BCAS2: variants seen among roughly 807,000 people sequenced by gnomAD.
BCAS2 encodes the protein pre-mRNA-splicing factor SPF27.
A neutral mutation model predicts 35.3 loss-of-function variants in BCAS2; 34 were observed. That is an observed-to-expected ratio of 0.96 (90% CI 0.73 to 1.28). The LOEUF (loss-of-function observed/expected upper bound fraction) is 1.28. BCAS2 is among the 50% of genes most tolerant of loss of function. The pLI, the probability that BCAS2 is intolerant of heterozygous loss-of-function variation, is 0.00. For synonymous variants in BCAS2, 75 were observed against 91.6 expected (o/e 0.82, Z 1.03); for missense variants, 221 against 268.1 (o/e 0.82, Z 1.23).
intron 4 of BCAS2, among the ~76,000 whole-genome samples, chr1:114,574,285 C>T (rs1654709512): frequency 1.3e-5 from 2 of 152,206 alleles, no homozygotes; most frequent in Non-Finnish European, 1.5e-5. Context: ...TGCACATTTT[C>T]AGCTGAGGAT....
chr1:114,574,223 G>C (rs1654707999), intron 4 of BCAS2, among the ~76,000 whole-genome samples: 1 of 152,186 alleles, frequency 6.6e-6, no homozygotes, highest in Admixed American at 6.5e-5. Context: ...GTAGTGTTTT[G>C]CAGTCATTCA....
Position 114,568,024 on chromosome 1 carries a change from A to G in BCAS2, c.*106T>C. The G allele has an allele frequency of 6.9e-7, 1 of 1,439,134 alleles. No homozygotes were observed. Among genetic ancestry groups the G allele is most frequent in the Non-Finnish European group, 9.6e-7 (1 of 1,046,730 alleles). 89.1% of individuals were successfully genotyped at this position (1,439,134 alleles called of 1,614,324 possible). A position where few individuals can be genotyped will look rare whatever the true frequency, so the allele number is the denominator to read the frequency against. On this transcript the variant is annotated 3_prime_UTR_variant, in exon 7 of 7. Transcript: ENST00000369541. Reference sequence around the variant, plus strand: ...CACCTTCTATGATTTCTAAACACTTAAACATCAATGGTTTTGGGAAGATGC... The same window carrying G: ...CACCTTCTATGATTTCTAAACACTTGAACATCAATGGTTTTGGGAAGATGC...
chr1:114,569,520 T>TA (rs1463235347), intron 6 of BCAS2, among the ~76,000 whole-genome samples: 1 of 151,474 alleles, frequency 6.6e-6, no homozygotes, highest in Non-Finnish European at 1.5e-5. Flanking sequence ...TTTTTTTTTT[T>TA]AAAGACTAGG....
chr1:114,577,926 C>A (rs1388765083), intron 2 of BCAS2, among the ~76,000 whole-genome samples: 1 of 152,248 alleles, frequency 6.6e-6, no homozygotes, highest in African/African-American at 2.4e-5. Context: ...GGCGAGGTGG[C>A]TCATGCCTGT....
intron 4 of BCAS2, 91 bp downstream of exon 4, chr1:114,575,499 C>G (rs1654742345): frequency 1.4e-5 from 18 of 1,312,700 alleles, no homozygotes; most frequent in Non-Finnish European, 1.9e-5. Context: ...CCAGCACCTC[C>G]CATACTTTTA....
intron 4 of BCAS2, among the ~76,000 whole-genome samples, chr1:114,574,750 CTT>C (rs1367667811): frequency 1.3e-5 from 2 of 152,188 alleles, no homozygotes; most frequent in African/African-American, 4.8e-5. Flanking sequence ...TACTCTTGAA[CTT>C]TGAGGTGGGT....
intron 6 of BCAS2, among the ~76,000 whole-genome samples, chr1:114,568,691 TA>T (rs781285409): frequency 1.4e-5 from 2 of 147,074 alleles, no homozygotes. Context: ...AACTTTCCAT[TA>T]AAAAAAAATC....
At chr1:114,574,424 T>C (rs1240651172) in intron 4 of BCAS2, among the ~76,000 whole-genome samples, 1 of 152,220 alleles carries the variant, frequency 6.6e-6, no homozygotes, top group East Asian at 1.9e-4. Context: ...ATTTCTCAAC[T>C]TTGTTTTCTC....
At chr1:114,576,962 C>G (rs1415659933) in intron 2 of BCAS2, among the ~76,000 whole-genome samples, 1 of 152,128 alleles carries the variant, frequency 6.6e-6, no homozygotes, top group Non-Finnish European at 1.5e-5. Context: ...GGAAAAGTGG[C>G]ATGTATTAAG....
rs548436118 is a variant in BCAS2, at chr1:114,575,062, C to T, written c.419+528G>A. On this transcript the variant is annotated intron_variant, in intron 4 of 6. Coordinates refer to ENST00000369541, the MANE Select transcript of BCAS2 (RefSeq NM_005872.3). ...TTTTTTTTTTTTTTTAGTAGAGATG[C>T]GGTTTTACCATGTTGGCCAGGCTGG... Among the ~76,000 whole-genome samples, 3 of 149,126 alleles carry T rather than the reference C, an allele frequency of 2.0e-5. No homozygotes were observed. The South Asian group carries it at 6.3e-4, about 31-fold the overall frequency.
At chr1:114,572,454 A>G (rs1367602824) in intron 4 of BCAS2, among the ~76,000 whole-genome samples, 1 of 152,232 alleles carries the variant, frequency 6.6e-6, no homozygotes, top group African/African-American at 2.4e-5. Context: ...CTTTGATAAA[A>G]TATAGTACAT....
intron 2 of BCAS2, among the ~76,000 whole-genome samples, chr1:114,578,802 AT>A (rs1366287962): frequency 6.6e-6 from 1 of 152,250 alleles, no homozygotes; most frequent in African/African-American, 2.4e-5. Context: ...TGTTAAATGA[AT>A]TAATGAAAGA....
At chr1:114,579,902 T>C (rs1042627918) in intron 2 of BCAS2, among the ~76,000 whole-genome samples, 1 of 151,976 alleles carries the variant, frequency 6.6e-6, no homozygotes, top group African/African-American at 2.4e-5. Context: ...AACAATTTTT[T>C]CATGTTACTT....
chr1:114,570,471 T>C (rs897557440), intron 5 of BCAS2, among the ~76,000 whole-genome samples: 4 of 152,196 alleles, frequency 2.6e-5, no homozygotes, highest in Admixed American at 2.6e-4. Flanking sequence ...AAAGTGCCTT[T>C]CTATGTTTGC....
chr1:114,576,297 C>T (rs1366027838), intron 3 of BCAS2, among the ~76,000 whole-genome samples: 2 of 150,296 alleles, frequency 1.3e-5, no homozygotes, highest in Non-Finnish European at 3.0e-5. Flanking sequence ...CTCCCTCTGT[C>T]CCCAACGCTG....
chr1:114,569,776 C>G (rs1014508618), intron 6 of BCAS2, among the ~76,000 whole-genome samples: 3 of 151,890 alleles, frequency 2.0e-5, no homozygotes, highest in African/African-American at 7.3e-5. Flanking sequence ...AGCAATGGTT[C>G]AATTTAGCAA....
At chr1:114,574,712 TGTCGTA>T (rs1654718588) in intron 4 of BCAS2, among the ~76,000 whole-genome samples, 1 of 152,222 alleles carries the variant, frequency 6.6e-6, no homozygotes, top group African/African-American at 2.4e-5. Flanking sequence ...ATACAATAAA[TGTCGTA>T]GTTTGGTTTA....
chr1:114,574,774 G>A (rs969857718), intron 4 of BCAS2, among the ~76,000 whole-genome samples: 6 of 152,136 alleles, frequency 3.9e-5, no homozygotes, highest in African/African-American at 1.4e-4. Context: ...TCAAAATAGT[G>A]GCCTTTCATA....
intron 5 of BCAS2, 94 bp from the exon 6 acceptor site, chr1:114,570,166 TG>T: frequency 1.2e-6 from 1 of 854,948 alleles, no homozygotes; most frequent in Non-Finnish European, 1.9e-6. Context: ...CTTAATCCCA[TG>T]AGAACAATAT....
Sources: allele counts gnomAD v4.1 joint callset (sites outside exome capture counted in the v4.1 genomes callset), GRCh38; gene constraint gnomAD v4.1.1; transcripts MANE v1.5; gene names NCBI Gene and HGNC (gene_info 2026-07-23, HGNC 2026-07-21).